MOB3B: variants seen among roughly 807,000 people sequenced by gnomAD.
The protein encoded by MOB3B is MOB kinase activator-like 2B.
In MOB3B, 7 loss-of-function variants were observed where a neutral mutation model predicts 18.7. That is an observed-to-expected ratio of 0.37 (90% CI 0.21 to 0.70). MOB3B has a LOEUF of 0.70. MOB3B is among the 30% of genes least tolerant of loss of function. The pLI, the probability that MOB3B is intolerant of heterozygous loss-of-function variation, is 0.52. For missense variants in MOB3B, 253 were observed against 281.3 expected (o/e 0.90, Z 0.72); for synonymous variants, 111 against 99.9 (o/e 1.11, Z -0.66).
At chr9:27,477,822 C>T (rs1328248095) in intron 1 of MOB3B, among the ~76,000 whole-genome samples, 1 of 152,218 alleles carries the variant, frequency 6.6e-6, no homozygotes, top group Non-Finnish European at 1.5e-5. Context: ...AATCTGGATA[C>T]AGCTGCTTAG....
At chr9:27,465,805 T>A (rs533687609) in intron 1 of MOB3B, among the ~76,000 whole-genome samples, 1 of 152,326 alleles carries the variant, frequency 6.6e-6, no homozygotes, top group South Asian at 2.1e-4. Context: ...AGCCACACCC[T>A]GAGCTCTACG....
At chr9:27,461,239 G>A (rs761372422) in intron 1 of MOB3B, among the ~76,000 whole-genome samples, 13 of 152,192 alleles carry the variant, frequency 8.5e-5, no homozygotes, top group Non-Finnish European at 1.5e-4. Context: ...AGGGGTGTAT[G>A]TATGTGTGTA....
At chr9:27,341,974 T>C (rs1820948939) in intron 3 of MOB3B, among the ~76,000 whole-genome samples, 1 of 152,190 alleles carries the variant, frequency 6.6e-6, no homozygotes, top group African/African-American at 2.4e-5. Flanking sequence ...CATTTTTTGA[T>C]AGTTGAAAAA....
chr9:27,463,206 A>C (rs1450321237), intron 1 of MOB3B, among the ~76,000 whole-genome samples: 1 of 152,198 alleles, frequency 6.6e-6, no homozygotes, highest in African/African-American at 2.4e-5. Flanking sequence ...TAAAATTCTA[A>C]TTATATAATA....
intron 1 of MOB3B, among the ~76,000 whole-genome samples, chr9:27,477,471 T>G (rs1402166492): frequency 6.6e-6 from 1 of 152,260 alleles, no homozygotes; most frequent in African/African-American, 2.4e-5. Context: ...GTTTTACTTA[T>G]TGTTTGTTTT....
chr9:27,332,657 C>A (rs1820805884), intron 3 of MOB3B, among the ~76,000 whole-genome samples: 1 of 152,198 alleles, frequency 6.6e-6, no homozygotes, highest in Non-Finnish European at 1.5e-5. Flanking sequence ...TCAACAGTAA[C>A]CGCTGCTTTT....
At chr9:27,499,025 A>G (rs1819946566) in intron 1 of MOB3B, among the ~76,000 whole-genome samples, 1 of 152,234 alleles carries the variant, frequency 6.6e-6, no homozygotes, top group South Asian at 2.1e-4. Flanking sequence ...TGCATAAATT[A>G]TTATCCAATA....
At position 27,325,674 on chromosome 9, in the gene MOB3B, C is replaced by T. The variant is rs1267621071; in HGVS notation, c.*4913G>A. 6.6e-6 allele frequency: 1 copy of T among 152,142 alleles called. No individual in the cohort carries two copies. The highest frequency in any genetic ancestry group is 2.4e-5 in the African/African-American group (1 of 41,412). The allele number at this position is 152,142 out of a possible 1,614,324, so 9.4% of individuals were successfully genotyped here. A position where few individuals can be genotyped will look rare whatever the true frequency, so the allele number is the denominator to read the frequency against. ...GAGAATCACCAATTTCTTCAAGGTCCAAAATGATCAGAACAAGAATGACAA... is the reference window on the plus strand; with the variant it reads ...GAGAATCACCAATTTCTTCAAGGTCTAAAATGATCAGAACAAGAATGACAA... On this transcript the variant is annotated 3_prime_UTR_variant, in exon 4 of 4. Transcript: ENST00000262244.
chr9:27,379,306 G>A (rs1432606805), intron 2 of MOB3B, among the ~76,000 whole-genome samples: 1 of 152,178 alleles, frequency 6.6e-6, no homozygotes, highest in Non-Finnish European at 1.5e-5. Context: ...CGCACCTTTA[G>A]GAATTACTGG....
chr9:27,524,982 T>G, intron 1 of MOB3B: 2 of 1,534,450 alleles, frequency 1.3e-6, no homozygotes, highest in Non-Finnish European at 1.7e-6. Context: ...GGAATTAAAA[T>G]TCCTTTTCCC....
At chr9:27,485,523 C>T (rs1442861754) in intron 1 of MOB3B, among the ~76,000 whole-genome samples, 1 of 152,234 alleles carries the variant, frequency 6.6e-6, no homozygotes, top group Non-Finnish European at 1.5e-5. Context: ...GATTCTGTCT[C>T]TGGAATGTCT....
intron 3 of MOB3B, among the ~76,000 whole-genome samples, chr9:27,347,457 G>C (rs1482874243): frequency 6.6e-6 from 1 of 152,252 alleles, no homozygotes; most frequent in Non-Finnish European, 1.5e-5. Flanking sequence ...GGTGATACTG[G>C]GGTTTGCATA....
chr9:27,458,527 T>G (rs1819226114), intron 1 of MOB3B, among the ~76,000 whole-genome samples: 1 of 148,082 alleles, frequency 6.8e-6, no homozygotes, highest in African/African-American at 2.5e-5. Flanking sequence ...GTTTTTTTTT[T>G]TTTTTTGAGA....
At chr9:27,437,740 A>G (rs927455901) in intron 2 of MOB3B, among the ~76,000 whole-genome samples, 1 of 152,224 alleles carries the variant, frequency 6.6e-6, no homozygotes, top group Non-Finnish European at 1.5e-5. Context: ...AGTCATCCAC[A>G]GGGACACATC....
intron 1 of MOB3B, among the ~76,000 whole-genome samples, chr9:27,489,376 T>TA (rs149421638): frequency 0.08 from 12,228 of 152,242 alleles, 647 homozygotes; most frequent in Non-Finnish European, 0.11. Context: ...CAGCAGCTGC[T>TA]AATCCTGAGC....
At chr9:27,441,385 T>C (rs1224790328) in intron 2 of MOB3B, among the ~76,000 whole-genome samples, 1 of 152,184 alleles carries the variant, frequency 6.6e-6, no homozygotes, top group Non-Finnish European at 1.5e-5. Flanking sequence ...ATGGCTTCTC[T>C]TTGGCATATC....
At chr9:27,422,548 T>C (rs1329989139) in intron 2 of MOB3B, among the ~76,000 whole-genome samples, 2 of 152,220 alleles carry the variant, frequency 1.3e-5, no homozygotes, top group Non-Finnish European at 2.9e-5. Flanking sequence ...TGAAGACAGA[T>C]TTTATCTTTG....
At position 27,524,691 on chromosome 9, in the gene MOB3B, G is replaced by A. The variant is rs1345928409; in HGVS notation, c.-199+4864C>T. 3 of 1,614,018 alleles carry A rather than the reference G, an allele frequency of 1.9e-6. No homozygotes were observed. In the South Asian group the frequency reaches 3.3e-5, roughly 18 times the overall value. On this transcript the variant is annotated intron_variant, in intron 1 of 3. Coordinates refer to ENST00000262244, the MANE Select transcript of MOB3B (RefSeq NM_024761.5). ...CCTCAAACAAATCCAAATAGGACTT[G>A]ATCAGCAAGCAGAGTACCTGAACCA...
chr9:27,528,147 T>A (rs1001062542), intron 1 of MOB3B, among the ~76,000 whole-genome samples: 6 of 152,216 alleles, frequency 3.9e-5, no homozygotes, highest in African/African-American at 1.4e-4. Context: ...CACACTACTA[T>A]TTCCAGGCAA....
Sources: gnomAD v4.1 joint callset for allele counts (sites outside exome capture counted in the v4.1 genomes callset) on GRCh38, gnomAD v4.1.1 for gene constraint, MANE v1.5 for transcripts, NCBI Gene and HGNC (gene_info 2026-07-23, HGNC 2026-07-21) for gene names.